The following LRP2 variants were observed in gnomAD, a reference collection of about 807,000 sequenced individuals.
LRP2 encodes the protein LDL receptor related protein 2.
LRP2 carries 172 observed loss-of-function variants against 531.0 expected under a neutral mutation model. The observed-to-expected ratio is 0.32, with a 90% CI of 0.29 to 0.37. The LOEUF is 0.37. LRP2 is among the 10% of genes least tolerant of loss of function. The pLI, the probability that LRP2 is intolerant of heterozygous loss-of-function variation, is 1.00. For missense variants in LRP2, 5,167 were observed against 5,868.3 expected (o/e 0.88, Z 3.90); for synonymous variants, 1,992 against 2,027.6 (o/e 0.98, Z 0.47).
rs1370091177 is a variant in LRP2, at chr2:169,282,934, C to A, written c.1110G>T (p.Leu370=). The change falls in exon 10 of 79, where the codon CTG becomes CTT. Residue 370 remains leucine (L), a synonymous_variant. Transcript: ENST00000649046. ...AGATATACCCTTCTTCACAGTGGCACAGGTGACGGCCAGGTCGGCTTTCAC... is the reference window on the plus strand; with the variant it reads ...AGATATACCCTTCTTCACAGTGGCAAAGGTGACGGCCAGGTCGGCTTTCAC... ...QKCESRPGRH[L]CHCEEGYILE... is the part of the protein sequence containing the mutation. The A allele has an allele frequency of 6.2e-7, 1 of 1,614,028 alleles. No individual in the cohort carries two copies. Among genetic ancestry groups the A allele is most frequent in the Non-Finnish European group, 8.5e-7 (1 of 1,179,872 alleles).
chr2:169,242,952 T>G lies in LRP2; in HGVS notation c.3667+4A>C. The G allele has an allele frequency of 6.2e-7, 1 of 1,609,346 alleles. No individual in the cohort carries two copies. Among genetic ancestry groups the G allele is most frequent in the Non-Finnish European group, 8.5e-7 (1 of 1,175,698 alleles). ...CTGAAACATTCTGGGTATGTGTTAC[T>G]TACGACAGCCTGCTTCATCCGAGTT... On this transcript the variant is annotated splice_donor_region_variant and intron_variant, in intron 24 of 78. Coordinates refer to ENST00000649046, the MANE Select transcript of LRP2 (RefSeq NM_004525.3).
chr2:169,347,920 C>T (rs1685738031), intron 1 of LRP2, among the ~76,000 whole-genome samples: 1 of 152,152 alleles, frequency 6.6e-6, no homozygotes, highest in Non-Finnish European at 1.5e-5. Flanking sequence ...GTCATCTGAT[C>T]ATAATATGAG....
chr2:169,139,089 A>G (rs770994079), intron 74 of LRP2, among the ~76,000 whole-genome samples, 162 bp downstream of exon 74: 1 of 152,344 alleles, frequency 6.6e-6, no homozygotes, highest in Middle Eastern at 3.4e-3. Flanking sequence ...AGAAGTTGGG[A>G]TTTGAAGTGA....
intron 55 of LRP2, among the ~76,000 whole-genome samples, chr2:169,174,809 C>CTTTTT (rs36105004): frequency 2.3e-4 from 30 of 128,504 alleles, no homozygotes; most frequent in Non-Finnish European, 2.9e-4. Flanking sequence ...TGTGCTCAGT[C>CTTTTT]TTTTTTTTTT....
intron 60 of LRP2, 81 bp from the exon 61 acceptor site, chr2:169,168,757 G>A: frequency 6.7e-7 from 1 of 1,496,352 alleles, no homozygotes; most frequent in Admixed American, 1.7e-5. Flanking sequence ...TTCTCCTTTG[G>A]CTCTTGCCAT....
Position 169,168,720 on chromosome 2 carries a change from G to T in LRP2, c.11498-44C>A, listed in dbSNP as rs202228597. On this transcript the variant is annotated intron_variant, in intron 60 of 78. Transcript: ENST00000649046. ...ACATATTCAAATTATTATACAAATT[G>T]ACTACTTTGGGGAAGCTTCCTGCTA... 1.2e-3 allele frequency: 1,900 copies of T among 1,609,524 alleles called. 3 individuals carry two copies. Among genetic ancestry groups the T allele is most frequent in the Non-Finnish European group, 1.5e-3 (1,723 of 1,176,460 alleles).
chr2:169,356,688 C>T (rs75091073), intron 1 of LRP2, among the ~76,000 whole-genome samples: 4,996 of 152,244 alleles, frequency 0.033, 129 homozygotes, highest in Non-Finnish European at 0.05. Flanking sequence ...GAAATTACTT[C>T]GGAAACATTT....
Position 169,156,405 on chromosome 2 carries a change from T to C in LRP2, c.12020A>G (p.Asp4007Gly). ...CCCAAATTGTTCACATTCATTGATA[T>C]CTGTAGGCAAAATAAAACCAAATAC... ...TNVFDRTSCL[D>G]INECEQFGTC... Residue 4007 changes from aspartate to glycine, a missense_variant and splice_region_variant, in exon 65 of 79, where the codon GAT (aspartate) becomes GGT (glycine). By Grantham distance (94) the Asp-to-Gly change is moderately conservative. This residue lies in a region of LRP2 where 564 missense variants were observed against 747.7 expected (regional missense o/e 0.75). Transcript: ENST00000649046. The C allele has an allele frequency of 1.2e-6, 2 of 1,613,448 alleles. No individual in the cohort carries two copies. The highest frequency in any genetic ancestry group is 1.7e-6 in the Non-Finnish European group (2 of 1,179,476).
At chr2:169,299,070 GGAAAGAAA>G (rs1370355245) in intron 4 of LRP2, among the ~76,000 whole-genome samples, 1 of 114,918 alleles carries the variant, frequency 8.7e-6, no homozygotes, top group Non-Finnish European at 1.7e-5. Context: ...AAAGAAAGAA[GGAAAGAAA>G]GAAAGAAGGA....
At chr2:169,198,271 G>A (rs1257465827) in intron 45 of LRP2, among the ~76,000 whole-genome samples, 1 of 151,840 alleles carries the variant, frequency 6.6e-6, no homozygotes, top group Non-Finnish European at 1.5e-5. Context: ...AAAATTAGCT[G>A]GGCATGGTGT....
chr2:169,308,252 C>A (rs1409476650), intron 3 of LRP2, among the ~76,000 whole-genome samples: 1 of 151,854 alleles, frequency 6.6e-6, no homozygotes, highest in African/African-American at 2.4e-5. Flanking sequence ...ACTTTAAGTT[C>A]TGGGGTACAT....
intron 33 of LRP2, among the ~76,000 whole-genome samples, chr2:169,221,413 G>A (rs1268396590): frequency 6.6e-6 from 1 of 152,154 alleles, no homozygotes; most frequent in African/African-American, 2.4e-5. Flanking sequence ...AAGGCTGTCT[G>A]TGATTATTAC....
chr2:169,194,049 G>A (rs1687921255), intron 46 of LRP2, among the ~76,000 whole-genome samples, 157 bp from the exon 47 acceptor site: 1 of 152,146 alleles, frequency 6.6e-6, no homozygotes, highest in Non-Finnish European at 1.5e-5. Flanking sequence ...ACTAGTACCA[G>A]CGACCAACAG....
chr2:169,166,655 T>C lies in LRP2; in HGVS notation c.11636-601A>G, dbSNP rs530940072. ...ATTTTCCTTCCTGAATTCCCTCACC[T>C]CTTACATTTAAAATCGATATCTCAC... On this transcript the variant is annotated intron_variant, in intron 61 of 78. Coordinates refer to ENST00000649046, the MANE Select transcript of LRP2 (RefSeq NM_004525.3). 7.2e-5 allele frequency among the ~76,000 whole-genome samples: 11 copies of C among 152,334 alleles called. No individual in the cohort carries two copies. The East Asian group carries it at 2.1e-3, about 29-fold the overall frequency.
intron 75 of LRP2, among the ~76,000 whole-genome samples, 156 bp from the exon 76 acceptor site, chr2:169,137,649 C>CAAA (rs1160173051): frequency 1.2e-3 from 56 of 45,464 alleles, no homozygotes; most frequent in African/African-American, 3.4e-3. Flanking sequence ...AGAGAACTTG[C>CAAA]AAAAAAAAAA....
intron 35 of LRP2, among the ~76,000 whole-genome samples, chr2:169,215,006 A>G (rs1287725518): frequency 2.6e-5 from 4 of 152,204 alleles, no homozygotes; most frequent in Non-Finnish European, 5.9e-5. Context: ...GAGTCACACC[A>G]CTAACAAGCA....
intron 21 of LRP2, among the ~76,000 whole-genome samples, chr2:169,246,289 T>C (rs1282471557): frequency 6.6e-6 from 1 of 152,142 alleles, no homozygotes; most frequent in East Asian, 1.9e-4. Flanking sequence ...ATATTTTTTG[T>C]AGAGACCGGA....
At position 169,273,036 on chromosome 2, in the gene LRP2, G is replaced by C; in HGVS notation, c.2007C>G (p.Gly669=). 6.2e-7 allele frequency: 1 copy of C among 1,613,670 alleles called. No individual in the cohort carries two copies. The highest frequency in any genetic ancestry group is 8.5e-7 in the Non-Finnish European group (1 of 1,179,728). The change falls in exon 15 of 79, where the codon GGC becomes GGG. Residue 669 remains glycine, a synonymous_variant. Coordinates refer to ENST00000649046, the MANE Select transcript of LRP2 (RefSeq NM_004525.3). ...ATNPCKDNNG[G]CEQVCVLSHR... The stretch of plus-strand genomic sequence containing the variant: ...GGCTGAGGACACAGACCTGCTCACA[G>C]CCCCCATTGTTATCTTTACACGGAT...
At chr2:169,225,116 A>T (rs1299864909) in intron 33 of LRP2, among the ~76,000 whole-genome samples, 194 bp downstream of exon 33, 1 of 151,876 alleles carries the variant, frequency 6.6e-6, no homozygotes, top group African/African-American at 2.4e-5. Flanking sequence ...AATAAATAAA[A>T]ATAAATTTAA....
Sources: gnomAD v4.1 joint callset for allele counts (sites outside exome capture counted in the v4.1 genomes callset) on GRCh38, gnomAD v4.1.1 for gene constraint, gnomAD v4.1.1 regional missense constraint, MANE v1.5 for transcripts, NCBI Gene and HGNC (gene_info 2026-07-23, HGNC 2026-07-21) for gene names.